CDH11: variants seen among roughly 807,000 people sequenced by gnomAD.
CDH11 encodes the protein cadherin 11.
Under a neutral mutation model 67.8 loss-of-function variants are expected in CDH11, and 11 were observed. The ratio of observed to expected loss-of-function variants is 0.16; its 90% CI spans 0.10 to 0.27. The LOEUF is 0.27. CDH11 is among the 10% of genes least tolerant of loss of function. The pLI is 1.00. For synonymous variants in CDH11, 419 were observed against 400.0 expected (o/e 1.05, Z -0.57); for missense variants, 847 against 1,031.2 (o/e 0.82, Z 2.45).
Position 65,060,354 on chromosome 16 carries a change from T to TATAGAG in CDH11, c.-297-6427_-297-6426insCTCTAT, listed in dbSNP as rs367727382. ...TAAAATTTGCATATATATATATATA[T>TATAGAG]AGAGAGAGAGAGAGAGAGACTATAT... On this transcript the variant is annotated intron_variant, in intron 1 of 12. Transcript: ENST00000268603. Among the ~76,000 whole-genome samples, 13 of 145,064 alleles carry TATAGAG rather than the reference T, an allele frequency of 9.0e-5. No homozygotes were observed. The South Asian group carries it at 1.8e-3, about 20-fold the overall frequency.
intron 1 of CDH11, among the ~76,000 whole-genome samples, chr16:65,075,685 A>G (rs565628972): frequency 6.6e-6 from 1 of 152,304 alleles, no homozygotes; most frequent in African/African-American, 2.4e-5. Context: ...TCCTCTGATG[A>G]AGCAGGCAAA....
chr16:64,953,913 C>T (rs1267610923), intron 11 of CDH11, among the ~76,000 whole-genome samples: 1 of 152,186 alleles, frequency 6.6e-6, no homozygotes, highest in Non-Finnish European at 1.5e-5. Flanking sequence ...TTTGGTCCTA[C>T]TCTGTTACCC....
At chr16:64,984,383 A>T (rs1180636226) in intron 7 of CDH11, among the ~76,000 whole-genome samples, 1 of 152,226 alleles carries the variant, frequency 6.6e-6, no homozygotes, top group Non-Finnish European at 1.5e-5. Flanking sequence ...GGGCTGATAG[A>T]TGCTTAACAT....
chr16:64,993,567 C>G (rs1386800438), intron 4 of CDH11, among the ~76,000 whole-genome samples: 1 of 152,220 alleles, frequency 6.6e-6, no homozygotes, highest in East Asian at 1.9e-4. Context: ...AAATACTGAG[C>G]AGAATGCTGT....
intron 2 of CDH11, among the ~76,000 whole-genome samples, chr16:65,040,581 G>A (rs553652609): frequency 6.6e-6 from 1 of 152,156 alleles, no homozygotes; most frequent in African/African-American, 2.4e-5. Flanking sequence ...AGGGAGGGAT[G>A]GCATTAGGAG....
intron 8 of CDH11, among the ~76,000 whole-genome samples, chr16:64,973,509 T>C (rs1157601649): frequency 6.6e-6 from 1 of 152,158 alleles, no homozygotes; most frequent in Non-Finnish European, 1.5e-5. Context: ...GTTTGTCTTA[T>C]TTAAAGAAAA....
Position 65,024,936 on chromosome 16 carries a change from T to A in CDH11, c.-172-19895A>T, listed in dbSNP as rs2073501475. Reference sequence around the variant, plus strand: ...AACAGATAGCTGAATTCCACACAATTTTTCTTTGAAAAGCAGCTCTGCTGC... The same window carrying A: ...AACAGATAGCTGAATTCCACACAATATTTCTTTGAAAAGCAGCTCTGCTGC... On this transcript the variant is annotated intron_variant, in intron 2 of 12. Transcript: ENST00000268603. Among the ~76,000 whole-genome samples the A allele has an allele frequency of 1.3e-5, 2 of 152,160 alleles. 1 individual carries two copies. Among genetic ancestry groups the A allele is most frequent in the East Asian group, 3.9e-4 (2 of 5,194 alleles).
intron 1 of CDH11, among the ~76,000 whole-genome samples, chr16:65,068,411 C>A (rs2074356514): frequency 5.2e-5 from 1 of 19,292 alleles, no homozygotes; most frequent in African/African-American, 2.6e-4. Flanking sequence ...GATATGACTA[C>A]AGAAAAAAAA....
At chr16:65,009,068 G>C (rs1004703491) in intron 2 of CDH11, among the ~76,000 whole-genome samples, 1 of 152,016 alleles carries the variant, frequency 6.6e-6, no homozygotes, top group Non-Finnish European at 1.5e-5. Flanking sequence ...AAAGGACCTG[G>C]GATTGAACTC....
chr16:65,058,329 G>A (rs910052209), intron 1 of CDH11, among the ~76,000 whole-genome samples: 14 of 152,210 alleles, frequency 9.2e-5, no homozygotes, highest in Non-Finnish European at 1.8e-4. Flanking sequence ...ATGTTTACAT[G>A]TTACTGTTGT....
intron 1 of CDH11, among the ~76,000 whole-genome samples, chr16:65,111,172 T>C (rs1170312497): frequency 2.0e-5 from 3 of 152,188 alleles, no homozygotes; most frequent in Non-Finnish European, 4.4e-5. Flanking sequence ...CTGGATCAAT[T>C]GACCAAACTC....
intron 8 of CDH11, among the ~76,000 whole-genome samples, chr16:64,977,820 T>C (rs891268211): frequency 6.6e-6 from 1 of 152,194 alleles, no homozygotes; most frequent in African/African-American, 2.4e-5. Context: ...AGGATGTCAG[T>C]GAGAACTGAC....
Position 64,946,148 on chromosome 16 carries a change from C to G in CDH11, c.*1455G>C. On this transcript the variant is annotated 3_prime_UTR_variant, in exon 13 of 13. Transcript: ENST00000268603. ...GGCCCCAAGCATATTCTAAACAAAG[C>G]TTTTTTAAATGAATCGCCCATTCTC... 9.5e-7 allele frequency: 1 copy of G among 1,054,340 alleles called. No individual in the cohort carries two copies. The highest frequency in any genetic ancestry group is 5.4e-5 in the East Asian group (1 of 18,688). 65.3% of individuals were successfully genotyped at this position (1,054,340 alleles called of 1,614,324 possible). A position where few individuals can be genotyped will look rare whatever the true frequency, so the allele number is the denominator to read the frequency against.
chr16:65,046,679 T>A (rs919927137), intron 2 of CDH11, among the ~76,000 whole-genome samples: 6 of 152,230 alleles, frequency 3.9e-5, no homozygotes, highest in African/African-American at 9.6e-5. Flanking sequence ...TGTCTCCTGA[T>A]GAAGTGTTCA....
At chr16:64,951,044 T>C (rs1235227619) in intron 11 of CDH11, 26 bp from the exon 12 acceptor site, 1 of 1,604,728 alleles carries the variant, frequency 6.2e-7, no homozygotes, top group Non-Finnish European at 8.5e-7. Context: ...AGACAGGCCG[T>C]GCGCCCAGTC....
At chr16:64,966,964 AAAG>A (rs2071849719) in intron 11 of CDH11, among the ~76,000 whole-genome samples, 3 of 152,290 alleles carry the variant, frequency 2.0e-5, no homozygotes, top group African/African-American at 7.2e-5. Context: ...TATAAGAACA[AAAG>A]AAGAACTGAT....
At chr16:65,094,691 T>G (rs2074856168) in intron 1 of CDH11, 1 of 152,162 alleles carries the variant, frequency 6.6e-6, no homozygotes, top group Non-Finnish European at 1.5e-5. Context: ...GGAGACACGA[T>G]GATACTGACT....
chr16:64,995,240 T>C (rs553057932), intron 4 of CDH11, among the ~76,000 whole-genome samples: 2 of 150,590 alleles, frequency 1.3e-5, no homozygotes, highest in Non-Finnish European at 3.0e-5. Flanking sequence ...AAAAAAAAAC[T>C]GTTCTAAGAC....
chr16:64,954,111 T>C (rs1364922993), intron 11 of CDH11, among the ~76,000 whole-genome samples: 3 of 152,198 alleles, frequency 2.0e-5, no homozygotes, highest in Admixed American at 6.5e-5. Flanking sequence ...GATCTGGGCA[T>C]GACATTGGCA....
Sources: allele counts gnomAD v4.1 joint callset (sites outside exome capture counted in the v4.1 genomes callset), GRCh38; gene constraint gnomAD v4.1.1; transcripts MANE v1.5; gene names NCBI Gene and HGNC (gene_info 2026-07-23, HGNC 2026-07-21).